UBR1: variants seen among roughly 807,000 people sequenced by gnomAD.
UBR1 encodes ubiquitin protein ligase E3 component n-recognin 1.
Under a neutral mutation model 242.1 loss-of-function variants are expected in UBR1, and 102 were observed. The ratio of observed to expected loss-of-function variants is 0.42; its 90% confidence interval spans 0.36 to 0.50. The LOEUF (loss-of-function observed/expected upper bound fraction) is 0.50. Among genes scored for constraint, UBR1 ranks in the 20% least tolerant of loss-of-function variants. The probability of loss-of-function intolerance (pLI) is 0.01; values close to 1 mark genes in which losing one functional copy is unlikely to be tolerated. For synonymous variants in UBR1, 675 were observed against 684.8 expected (o/e 0.99, Z 0.22); for missense variants, 1,772 against 2,101.8 (o/e 0.84, Z 3.07).
At chr15:42,987,071 T>C (rs1017858680) in intron 35 of UBR1, among the ~76,000 whole-genome samples, 4 of 152,234 alleles carry the variant, frequency 2.6e-5, no homozygotes, top group Non-Finnish European at 5.9e-5. Context: ...TGCCCCTGCA[T>C]GGTGCTGGGC....
intron 12 of UBR1, among the ~76,000 whole-genome samples, chr15:43,051,570 A>G (rs1274678059): frequency 6.6e-6 from 1 of 152,190 alleles, no homozygotes; most frequent in Non-Finnish European, 1.5e-5. Flanking sequence ...CCCTGAACTC[A>G]AAATAAAAGT....
chr15:43,056,040 T>G (rs2033614872), intron 11 of UBR1, among the ~76,000 whole-genome samples: 2 of 152,226 alleles, frequency 1.3e-5, no homozygotes, highest in South Asian at 4.1e-4. Flanking sequence ...ACTTCTTAGT[T>G]TTATCTTATT....
chr15:43,070,468 G>C (rs1403325311), intron 5 of UBR1, among the ~76,000 whole-genome samples: 1 of 152,064 alleles, frequency 6.6e-6, no homozygotes, highest in Non-Finnish European at 1.5e-5. Flanking sequence ...TCCAGGCCAG[G>C]ATCAAAGTGG....
intron 44 of UBR1, among the ~76,000 whole-genome samples, chr15:42,957,745 G>A (rs560494618): frequency 6.6e-6 from 1 of 151,962 alleles, no homozygotes; most frequent in South Asian, 2.1e-4. Flanking sequence ...GCATGGTGGC[G>A]CCTGCCTGTA....
intron 30 of UBR1, 58 bp downstream of exon 30, chr15:43,007,021 T>C (rs567473255): frequency 6.5e-7 from 1 of 1,547,492 alleles, no homozygotes; most frequent in East Asian, 2.2e-5. Context: ...AGTATTTTCT[T>C]TAATTACACA....
intron 1 of UBR1, among the ~76,000 whole-genome samples, chr15:43,105,160 C>T (rs910104882): frequency 6.6e-6 from 1 of 152,172 alleles, no homozygotes; most frequent in Admixed American, 6.5e-5. Context: ...CATGCGGTGA[C>T]AGATATTTGA....
chr15:42,949,370 G>A (rs1354423487), intron 46 of UBR1, among the ~76,000 whole-genome samples: 1 of 151,396 alleles, frequency 6.6e-6, no homozygotes, highest in Non-Finnish European at 1.5e-5. Flanking sequence ...CATGGCACAT[G>A]TATACATATG....
chr15:42,985,023 TTAA>T (rs2032438081), intron 35 of UBR1, 81 bp from the exon 36 acceptor site: 13 of 1,086,836 alleles, frequency 1.2e-5, no homozygotes, highest in Middle Eastern at 3.0e-4. Flanking sequence ...CAAATGTTCT[TTAA>T]TAATATTTTT....
intron 21 of UBR1, among the ~76,000 whole-genome samples, chr15:43,029,127 A>G (rs973376081): frequency 6.6e-6 from 1 of 151,622 alleles, no homozygotes; most frequent in African/African-American, 2.4e-5. Context: ...ACACACACGC[A>G]CACACACACA....
At chr15:43,019,740 G>A (rs903040623) in intron 27 of UBR1, among the ~76,000 whole-genome samples, 3 of 149,410 alleles carry the variant, frequency 2.0e-5, no homozygotes, top group African/African-American at 7.3e-5. Flanking sequence ...CTGCCACCAC[G>A]CCTGCCACCA....
At chr15:42,972,573 G>A (rs1390362667) in intron 39 of UBR1, among the ~76,000 whole-genome samples, 1 of 152,054 alleles carries the variant, frequency 6.6e-6, no homozygotes, top group Non-Finnish European at 1.5e-5. Flanking sequence ...ATTTCACCAT[G>A]CTGGCCAGGC....
chr15:43,053,168 G>T (rs888588551), intron 12 of UBR1, among the ~76,000 whole-genome samples: 1 of 152,234 alleles, frequency 6.6e-6, no homozygotes, highest in African/African-American at 2.4e-5. Context: ...TAGAGGGGAG[G>T]AATTGTAAGC....
chr15:43,015,650 A>C, intron 29 of UBR1, 38 bp downstream of exon 29: 1 of 1,608,490 alleles, frequency 6.2e-7, no homozygotes, highest in Non-Finnish European at 8.5e-7. Context: ...TTAAAAAAAA[A>C]AAATTGAGTT....
Position 42,945,615 on chromosome 15 carries a change from TTCACCATTGA to T in UBR1, c.5109-155_5109-146del, listed in dbSNP as rs58543903. ...AGGGCTTAAAAAGGGATATTTTCCC[TTCACCATTGA>T]TCACTAAGAACTTGACAGGCTACTT... On this transcript the variant is annotated intron_variant, in intron 46 of 46. Coordinates refer to ENST00000290650, the MANE Select transcript of UBR1 (RefSeq NM_174916.3). 730,990 of 864,182 alleles carry T rather than the reference TTCACCATTGA, an allele frequency of 0.85. 313,133 individuals carry two copies. Among genetic ancestry groups the T allele is most frequent in the Non-Finnish European group, 0.88 (490,449 of 559,680 alleles). 53.5% of individuals were successfully genotyped at this position (864,182 alleles called of 1,614,324 possible). A position where few individuals can be genotyped will look rare whatever the true frequency, so the allele number is the denominator to read the frequency against.
chr15:43,038,193 C>G lies in UBR1; in HGVS notation c.1889G>C (p.Arg630Thr), dbSNP rs1199421175. Residue 630 changes from arginine to threonine, a missense_variant, in exon 16 of 47, where the codon AGA (arginine) becomes ACA (threonine). Arg to Thr is a moderately conservative substitution (Grantham distance 71, BLOSUM62 -1). Coordinates refer to ENST00000290650, the MANE Select transcript of UBR1 (RefSeq NM_174916.3). ...TACAAAAGACACAAATTCATGCAGTCTTGAAACAGCACCCAGCCTGCTTAA... is the reference window on the plus strand; with the variant it reads ...TACAAAAGACACAAATTCATGCAGTGTTGAAACAGCACCCAGCCTGCTTAA... ...VRLSRLGAVS[R>T]LHEFVSFEDF... 6.2e-7 allele frequency: 1 copy of G among 1,614,042 alleles called. No homozygotes were observed. The highest frequency in any genetic ancestry group is 8.5e-7 in the Non-Finnish European group (1 of 1,179,982).
chr15:43,044,123 A>T (rs960938624), intron 14 of UBR1, among the ~76,000 whole-genome samples: 2 of 152,236 alleles, frequency 1.3e-5, no homozygotes, highest in African/African-American at 4.8e-5. Context: ...GAGAATAAAG[A>T]GTAGATAAAA....
At chr15:43,087,176 T>G (rs937437486) in intron 1 of UBR1, among the ~76,000 whole-genome samples, 1 of 152,002 alleles carries the variant, frequency 6.6e-6, no homozygotes, top group Non-Finnish European at 1.5e-5. Context: ...GAGGCCGAGG[T>G]GGGTGGATCA....
intron 18 of UBR1, 98 bp downstream of exon 18, chr15:43,036,430 T>G: frequency 8.4e-7 from 1 of 1,186,038 alleles, no homozygotes; most frequent in East Asian, 2.3e-5. Flanking sequence ...ACAGTGAGAG[T>G]ATTTTAAGTT....
rs1355250370 is a variant in UBR1 at position 42,944,540 on chromosome 15, C to T, written c.*789G>A. The stretch of plus-strand genomic sequence containing the variant: ...TTACAAGAGGTTTCTGAGAGTCAAA[C>T]AGGATGGTGCCACAATCTCCTTGCA... On this transcript the variant is annotated 3_prime_UTR_variant, in exon 47 of 47. Transcript: ENST00000290650. 6.6e-6 allele frequency: 1 copy of T among 152,194 alleles called. No homozygotes were observed. The highest frequency in any genetic ancestry group is 2.4e-5 in the African/African-American group (1 of 41,452). 9.4% of individuals were successfully genotyped at this position (152,194 alleles called of 1,614,324 possible). A position where few individuals can be genotyped will look rare whatever the true frequency, so the allele number is the denominator to read the frequency against.
Sources: gnomAD v4.1 joint callset for allele counts (sites outside exome capture counted in the v4.1 genomes callset) on GRCh38, gnomAD v4.1.1 for gene constraint, MANE v1.5 for transcripts, NCBI Gene and HGNC (gene_info 2026-07-23, HGNC 2026-07-21) for gene names.